The following FSD1L variants were observed in gnomAD, a reference collection of about 807,000 sequenced individuals.
FSD1L encodes the protein FSD1-like protein.
FSD1L carries 45 observed loss-of-function variants against 71.6 expected under a neutral mutation model. The ratio of observed to expected loss-of-function variants is 0.63; its 90% confidence interval spans 0.49 to 0.81. FSD1L has a LOEUF of 0.81. Ranked by LOEUF, FSD1L falls within the 30% of genes least tolerant of loss-of-function variation. The pLI, the probability that FSD1L is intolerant of heterozygous loss-of-function variation, is 0.00. For synonymous variants in FSD1L, 197 were observed against 207.2 expected (o/e 0.95, Z 0.42); for missense variants, 561 against 618.1 (o/e 0.91, Z 0.98).
intron 13 of FSD1L, among the ~76,000 whole-genome samples, chr9:105,545,889 A>G (rs564209477): frequency 6.6e-6 from 1 of 152,244 alleles, no homozygotes; most frequent in Non-Finnish European, 1.5e-5. Context: ...GAGTTCTTAT[A>G]GTTAACACGG....
chr9:105,532,948 T>C (rs951717379), intron 10 of FSD1L, among the ~76,000 whole-genome samples: 3 of 152,202 alleles, frequency 2.0e-5, no homozygotes. Context: ...CTGAGTCATA[T>C]GAAATGAATC....
chr9:105,544,437 C>G (rs1836842704), intron 13 of FSD1L, among the ~76,000 whole-genome samples: 1 of 152,142 alleles, frequency 6.6e-6, no homozygotes, highest in Non-Finnish European at 1.5e-5. Context: ...TTAATTAGCT[C>G]CCATTTGTCA....
chr9:105,539,518 A>G (rs1836472776), intron 13 of FSD1L, among the ~76,000 whole-genome samples, 167 bp downstream of exon 13: 1 of 151,980 alleles, frequency 6.6e-6, no homozygotes, highest in Admixed American at 6.6e-5. Context: ...GATTGTTTTT[A>G]TATATTTTTG....
upstream of FSD1L, chr9:105,447,723 G>A: frequency 5.5e-6 from 1 of 182,392 alleles, no homozygotes; most frequent in South Asian, 1.1e-4. Context: ...CCCCTCGAAG[G>A]ATAGTGTGGG....
intron 7 of FSD1L, among the ~76,000 whole-genome samples, chr9:105,498,540 C>G (rs1402497556): frequency 2.0e-5 from 3 of 152,054 alleles, no homozygotes; most frequent in Non-Finnish European, 4.4e-5. Flanking sequence ...GAAAAAAATA[C>G]AGTCAAAATA....
intron 7 of FSD1L, among the ~76,000 whole-genome samples, chr9:105,497,832 C>T (rs1012927662): frequency 2.6e-5 from 4 of 151,746 alleles, no homozygotes; most frequent in African/African-American, 9.7e-5. Flanking sequence ...TCATTGATTT[C>T]TGTTCTTGTT....
chr9:105,514,709 G>T lies in FSD1L; in HGVS notation c.1025+1773G>T, dbSNP rs1049673362. ...TAAGCAAGAGGCCACAAAGGAAAGAGTATCCACTACCCCAGTGTTCAATTT... is the reference window on the plus strand; with the variant it reads ...TAAGCAAGAGGCCACAAAGGAAAGATTATCCACTACCCCAGTGTTCAATTT... On this transcript the variant is annotated intron_variant, in intron 10 of 13. Coordinates refer to ENST00000481272, the MANE Select transcript of FSD1L (RefSeq NM_001145313.3). Among the ~76,000 whole-genome samples, 4 of 152,148 alleles carry T rather than the reference G, an allele frequency of 2.6e-5. 1 individual carries two copies. Among genetic ancestry groups the T allele is most frequent in the African/African-American group, 9.7e-5 (4 of 41,438 alleles).
At chr9:105,474,930 C>T (rs1831694864) in intron 5 of FSD1L, among the ~76,000 whole-genome samples, 1 of 152,176 alleles carries the variant, frequency 6.6e-6, no homozygotes, top group South Asian at 2.1e-4. Flanking sequence ...CATACCTTCA[C>T]TAATTTTTTT....
chr9:105,491,147 G>A (rs950733758), intron 7 of FSD1L, among the ~76,000 whole-genome samples: 2 of 152,066 alleles, frequency 1.3e-5, no homozygotes, highest in Non-Finnish European at 2.9e-5. Flanking sequence ...AGCATGGAAT[G>A]TTCTTCCATT....
At chr9:105,534,655 G>A in intron 11 of FSD1L, 62 bp downstream of exon 11, 1 of 949,160 alleles carries the variant, frequency 1.1e-6, no homozygotes, top group African/African-American at 1.7e-5. Context: ...TCACACTGGT[G>A]GACTTTCCAC....
chr9:105,541,235 G>T (rs1190622381), intron 13 of FSD1L, among the ~76,000 whole-genome samples: 1 of 150,732 alleles, frequency 6.6e-6, no homozygotes, highest in Non-Finnish European at 1.5e-5. Flanking sequence ...AGTGACTAAA[G>T]TTATTGCTCA....
intron 7 of FSD1L, among the ~76,000 whole-genome samples, chr9:105,488,642 A>G (rs1383198031): frequency 6.6e-6 from 1 of 152,214 alleles, no homozygotes; most frequent in African/African-American, 2.4e-5. Context: ...AGCAATGAAT[A>G]GAGTTCTGTT....
chr9:105,442,565 G>A, the FSD1L span, among the ~76,000 whole-genome samples: 1 of 151,944 alleles, frequency 6.6e-6, no homozygotes, highest in Non-Finnish European at 1.5e-5. Flanking sequence ...GCACGTGCCT[G>A]TGGTCCCAGC....
intron 7 of FSD1L, among the ~76,000 whole-genome samples, chr9:105,503,803 A>C (rs922959494): frequency 5.9e-5 from 9 of 152,258 alleles, no homozygotes; most frequent in Admixed American, 1.3e-4. Flanking sequence ...CGTTAGCTCC[A>C]AGTCAACCTA....
chr9:105,526,178 T>C (rs1048808366), intron 10 of FSD1L: 3 of 1,592,008 alleles, frequency 1.9e-6, no homozygotes, highest in African/African-American at 1.3e-5. Flanking sequence ...GCAACAGCTA[T>C]AAATGCAAGC....
rs543163989 is a variant in FSD1L, at chr9:105,500,394, G to T, written c.587-6005G>T. Among the ~76,000 whole-genome samples, 16 of 152,258 alleles carry T rather than the reference G, an allele frequency of 1.1e-4. No individual in the cohort carries two copies. The South Asian group carries it at 3.3e-3, about 32-fold the overall frequency. On this transcript the variant is annotated intron_variant, in intron 7 of 13. Coordinates refer to ENST00000481272, the MANE Select transcript of FSD1L (RefSeq NM_001145313.3). ...CAGTTTTCCCCACTCCTTATTCCTG[G>T]ATTTTTCGGTGGAACAGGATGGCTG...
chr9:105,537,532 T>G (rs1836344131), intron 12 of FSD1L, among the ~76,000 whole-genome samples: 2 of 152,190 alleles, frequency 1.3e-5, no homozygotes, highest in Non-Finnish European at 2.9e-5. Flanking sequence ...ATACAGTTTT[T>G]AGTCTAGAAC....
At chr9:105,541,784 A>G (rs1326264196) in intron 13 of FSD1L, among the ~76,000 whole-genome samples, 1 of 152,182 alleles carries the variant, frequency 6.6e-6, no homozygotes, top group African/African-American at 2.4e-5. Context: ...GTGTTCTTTT[A>G]TAGTGGACCG....
rs57481431 is a variant in FSD1L, at chr9:105,469,702, GTTT to G, written c.339+1391_339+1393del. Among the ~76,000 whole-genome samples the G allele has an allele frequency of 2.3e-4, 32 of 141,826 alleles. No homozygotes were observed. The South Asian group carries it at 3.4e-3, about 15-fold the overall frequency. 93.0% of individuals were successfully genotyped at this position (141,826 alleles called of 152,430 possible). A position where few individuals can be genotyped will look rare whatever the true frequency, so the allele number is the denominator to read the frequency against. On this transcript the variant is annotated intron_variant, in intron 4 of 13. Coordinates refer to ENST00000481272, the MANE Select transcript of FSD1L (RefSeq NM_001145313.3). ...TCCTTATCAGGTGTATGATTCACAG[GTTT>G]TTTTTTTTTTTTCCCATTTTGTAGG...
Sources: gnomAD v4.1 joint callset for allele counts (sites outside exome capture counted in the v4.1 genomes callset) on GRCh38, gnomAD v4.1.1 for gene constraint, MANE v1.5 for transcripts, NCBI Gene and HGNC (gene_info 2026-07-23, HGNC 2026-07-21) for gene names.